The following KIF15 variants were observed in gnomAD, a reference collection of about 807,000 sequenced individuals.
KIF15 encodes the protein kinesin-like protein KIF15.
KIF15 carries 140 observed loss-of-function variants against 190.6 expected under a neutral mutation model. The ratio of observed to expected loss-of-function variants is 0.73; its 90% confidence interval spans 0.64 to 0.84. The LOEUF is 0.84. KIF15 is among the 40% of genes least tolerant of loss of function. The probability of loss-of-function intolerance (pLI) is 0.00; values close to 1 mark genes in which losing one functional copy is unlikely to be tolerated. For synonymous variants in KIF15, 528 were observed against 551.3 expected, an observed-to-expected ratio of 0.96 and a Z score of 0.59; for missense variants, 1,372 against 1,584.4, an observed-to-expected ratio of 0.87 and a Z score of 2.28.
chr3:44,812,277 C>T lies in KIF15; in HGVS notation c.2265C>T (p.Thr755=), dbSNP rs1278263403. Residue 755 remains threonine, a synonymous_variant, in exon 18 of 35, where the codon ACC becomes ACT. Transcript: ENST00000326047. ...QHVDKLEHHS[T]QMQELFSSER... The stretch of plus-strand genomic sequence containing the variant: ...TTGACAAACTGGAACATCATTCTAC[C>T]CAAATGCAGGAGGTGAGACCAAGAG... The T allele has an allele frequency of 6.2e-7, 1 of 1,612,866 alleles. No homozygotes were observed. The highest frequency in any genetic ancestry group is 1.3e-5 in the African/African-American group (1 of 74,862).
rs761658532 is a variant in KIF15 at position 44,838,366 on chromosome 3, C to A, written c.3263C>A (p.Ser1088Tyr). The change falls in exon 27 of 35, where the codon TCT becomes TAT. Residue 1088 changes from serine (S) to tyrosine (Y), a missense_variant. Physicochemically the swap from Ser to Tyr is moderately radical, Grantham distance 144 (BLOSUM62 -2). Coordinates refer to ENST00000326047, the MANE Select transcript of KIF15 (RefSeq NM_020242.3). Reference protein sequence around the residue: ...ASKKHSGLLQSAQEELTKKEA... With the variant: ...ASKKHSGLLQYAQEELTKKEA... ...AAAAAACACTCGGGGCTGCTGCAGT[C>A]TGCCCAGGAAGAACTGACCAAGAAG... 1.2e-5 allele frequency: 19 copies of A among 1,613,978 alleles called. No homozygotes were observed. In the Admixed American group the frequency reaches 1.5e-4, roughly 13 times the overall value.
At chr3:44,825,578 T>A (rs956300486) in intron 20 of KIF15, among the ~76,000 whole-genome samples, 6 of 152,230 alleles carry the variant, frequency 3.9e-5, no homozygotes, top group African/African-American at 1.4e-4. Context: ...TCTTTCTTGC[T>A]CAAATCAAAT....
At chr3:44,778,388 C>T (rs762391399) in intron 4 of KIF15, among the ~76,000 whole-genome samples, 197 bp downstream of exon 4, 3 of 152,182 alleles carry the variant, frequency 2.0e-5, no homozygotes, top group Non-Finnish European at 4.4e-5. Context: ...CTTTTGGCAG[C>T]CTTGTTGCTT....
At chr3:44,832,627 G>A (rs55641351) in intron 26 of KIF15, among the ~76,000 whole-genome samples, 219 of 152,256 alleles carry the variant, frequency 1.4e-3, no homozygotes, top group African/African-American at 5.0e-3. Flanking sequence ...AGGACCTGTG[G>A]GGTAGATATC....
intron 4 of KIF15, 50 bp from the exon 5 acceptor site, chr3:44,780,835 T>A: frequency 8.2e-7 from 1 of 1,214,678 alleles, no homozygotes; most frequent in Non-Finnish European, 1.2e-6. Context: ...ATAGGAGGAG[T>A]AGTCTTTTAA....
chr3:44,781,410 T>C (rs1706158426), intron 5 of KIF15, among the ~76,000 whole-genome samples: 2 of 152,226 alleles, frequency 1.3e-5, no homozygotes, highest in Admixed American at 6.5e-5. Flanking sequence ...TAGTAGTTTA[T>C]TTCCATTACT....
At chr3:44,837,847 C>G (rs1698403179) in intron 26 of KIF15, among the ~76,000 whole-genome samples, 1 of 152,130 alleles carries the variant, frequency 6.6e-6, no homozygotes, top group South Asian at 2.1e-4. Flanking sequence ...GCAAACTGCC[C>G]AGGCCCTCCT....
At chr3:44,763,397 G>T in intron 1 of KIF15, among the ~76,000 whole-genome samples, 1 of 152,186 alleles carries the variant, frequency 6.6e-6, no homozygotes, top group East Asian at 1.9e-4. Flanking sequence ...CGCCTCCCGG[G>T]TTCAAGAGAT....
At position 44,826,263 on chromosome 3, in the gene KIF15, C is replaced by A; in HGVS notation, c.2700+74C>A. On this transcript the variant is annotated intron_variant, in intron 21 of 34. Transcript: ENST00000326047. The stretch of plus-strand genomic sequence containing the variant: ...AGTGTAGGACAAGGACTGTCCTTTC[C>A]TCCTTCTTTGCTATACTTGCCCACA... 3.2e-6 allele frequency: 5 copies of A among 1,557,470 alleles called. No individual in the cohort carries two copies. The South Asian group carries it at 6.1e-5, about 19-fold the overall frequency.
chr3:44,862,151 G>T, intron 6 of KIF15: 2 of 1,048,456 alleles, frequency 1.9e-6, no homozygotes, highest in Non-Finnish European at 1.2e-6. Context: ...CTGCTGCTGC[G>T]GGCGGGCGGG....
chr3:44,824,288 C>G (rs1311599397), intron 20 of KIF15, among the ~76,000 whole-genome samples: 1 of 152,224 alleles, frequency 6.6e-6, no homozygotes, highest in African/African-American at 2.4e-5. Context: ...TACCACTAGG[C>G]CCACATCCCT....
chr3:44,799,411 G>A, intron 10 of KIF15: 1 of 450,784 alleles, frequency 2.2e-6, no homozygotes, highest in Non-Finnish European at 4.5e-6. Flanking sequence ...AGAAGACCTT[G>A]GGGCTGTCAC....
Position 44,799,371 on chromosome 3 carries a change from G to A in KIF15, c.1099-943G>A, listed in dbSNP as rs116264389. On this transcript the variant is annotated intron_variant, in intron 10 of 34. Transcript: ENST00000326047. ...AAGGATGTGCTATTTAAATTTTTCC[G>A]TGAGCAAATTGGGCTTACAGCGAGA... The A allele has an allele frequency of 3.8e-3, 1,730 of 455,794 alleles. 23 individuals carry two copies. Among genetic ancestry groups the A allele is most frequent in the African/African-American group, 0.029 (1,429 of 50,072 alleles). 28.2% of individuals were successfully genotyped at this position (455,794 alleles called of 1,614,324 possible). A position where few individuals can be genotyped will look rare whatever the true frequency, so the allele number is the denominator to read the frequency against.
At chr3:44,779,562 C>T (rs1706067497) in intron 4 of KIF15, among the ~76,000 whole-genome samples, 2 of 152,032 alleles carry the variant, frequency 1.3e-5, no homozygotes, top group African/African-American at 4.8e-5. Flanking sequence ...TGGCTGGGCA[C>T]GGTGGCTCAC....
At chr3:44,861,776 C>A in intron 6 of KIF15, 1 of 887,890 alleles carries the variant, frequency 1.1e-6, no homozygotes, top group South Asian at 1.7e-5. Context: ...ACCTGGCCCG[C>A]CCCCTCCGAG....
chr3:44,784,967 G>C (rs1706341123), intron 6 of KIF15, 25 bp downstream of exon 6: 1 of 1,277,262 alleles, frequency 7.8e-7, no homozygotes, highest in Non-Finnish European at 1.1e-6. Context: ...AAATAAAGTG[G>C]TTCTATGAAA....
chr3:44,820,969 C>T (rs543373673), intron 20 of KIF15, among the ~76,000 whole-genome samples: 1 of 150,020 alleles, frequency 6.7e-6, no homozygotes, highest in East Asian at 2.0e-4. Context: ...GGTGGCTGGC[C>T]GGGCAGGGGG....
chr3:44,790,388 G>A (rs1034585203), intron 7 of KIF15, among the ~76,000 whole-genome samples: 4 of 151,890 alleles, frequency 2.6e-5, no homozygotes, highest in Admixed American at 1.3e-4. Flanking sequence ...CATGTTGGCC[G>A]GGCTGGTCTT....
At position 44,810,999 on chromosome 3, in the gene KIF15, G is replaced by A; in HGVS notation, c.2125G>A (p.Glu709Lys). 1 of 1,613,776 alleles carries A rather than the reference G, an allele frequency of 6.2e-7. No homozygotes were observed. The highest frequency in any genetic ancestry group is 8.5e-7 in the Non-Finnish European group (1 of 1,179,902). ...LNEPVPPEMN[E>K]QAFEAISEEL... ...TGAGCCAGTTCCTCCTGAGATGAATGAACAAGCTTTTGAGGCCATTTCTGA... is the reference window on the plus strand; with the variant it reads ...TGAGCCAGTTCCTCCTGAGATGAATAAACAAGCTTTTGAGGCCATTTCTGA... Residue 709 changes from glutamate to lysine, a missense_variant, in exon 17 of 35, where the codon GAA becomes AAA. Glu to Lys is a moderately conservative substitution (Grantham distance 56). Coordinates refer to ENST00000326047, the MANE Select transcript of KIF15 (RefSeq NM_020242.3).
Sources: allele counts gnomAD v4.1 joint callset (sites outside exome capture counted in the v4.1 genomes callset), GRCh38; gene constraint gnomAD v4.1.1; transcripts MANE v1.5; gene names NCBI Gene and HGNC (gene_info 2026-07-23, HGNC 2026-07-21).